Variants in CR1L observed in about 807,000 individuals in gnomAD.
CR1L encodes complement C3b/C4b receptor 1 like.
In CR1L, 59 loss-of-function variants were observed where a neutral mutation model predicts 62.3. The observed-to-expected ratio is 0.95, with a 90% confidence interval of 0.77 to 1.18. CR1L has a LOEUF of 1.18. Ranked by LOEUF, CR1L falls within the 50% of genes most tolerant of loss-of-function variation. CR1L has a pLI of 0.00. For synonymous variants in CR1L, 279 were observed against 248.7 expected (o/e 1.12, Z -1.15); for missense variants, 700 against 702.8 (o/e 1.00, Z 0.04).
In CR1L at chr1:207,682,603, C is replaced by T. The variant is rs562755112; in HGVS notation, c.378-1269C>T. Among the ~76,000 whole-genome samples, 52 of 152,314 alleles carry T rather than the reference C, an allele frequency of 3.4e-4. No individual in the cohort carries two copies. The South Asian group carries it at 0.011, about 32-fold the overall frequency. The stretch of plus-strand genomic sequence containing the variant: ...CACTATTCATTTGATCTCCATTTGG[C>T]ACTGTTTCGTTGTTTGAATAAAGCT... On this transcript the variant is annotated intron_variant, in intron 3 of 11. Coordinates refer to ENST00000508064, the MANE Select transcript of CR1L (RefSeq NM_175710.2).
At chr1:207,677,012 T>G (rs576680363) in intron 1 of CR1L, among the ~76,000 whole-genome samples, 14 of 152,064 alleles carry the variant, frequency 9.2e-5, no homozygotes, top group African/African-American at 3.4e-4. Flanking sequence ...ATGCAGTATA[T>G]TTGAGAGAAA....
chr1:207,713,016 A>G (rs1437078048), intron 10 of CR1L, among the ~76,000 whole-genome samples: 1 of 152,210 alleles, frequency 6.6e-6, no homozygotes. Flanking sequence ...CCAATTAAGG[A>G]GCTGACCTAG....
In CR1L at chr1:207,667,906, A is replaced by T. The variant is rs540468494; in HGVS notation, c.98-9483A>T. 2.0e-5 allele frequency among the ~76,000 whole-genome samples: 3 copies of T among 151,304 alleles called. No homozygotes were observed. The South Asian group carries it at 6.2e-4, about 31-fold the overall frequency. On this transcript the variant is annotated intron_variant, in intron 1 of 11. Coordinates refer to ENST00000508064, the MANE Select transcript of CR1L (RefSeq NM_175710.2). ...AAGAAGACATAGAAATGGCCAACGAATATAAAACAAAATGCTCAACATTCT... is the reference window on the plus strand; with the variant it reads ...AAGAAGACATAGAAATGGCCAACGATTATAAAACAAAATGCTCAACATTCT...
chr1:207,702,382 T>C (rs1209532297), intron 9 of CR1L, among the ~76,000 whole-genome samples: 1 of 152,168 alleles, frequency 6.6e-6, no homozygotes, highest in Admixed American at 6.5e-5. Context: ...AACACAATAA[T>C]ACTAAAATGA....
At chr1:207,670,785 G>A (rs1558014434) in intron 1 of CR1L, among the ~76,000 whole-genome samples, 1 of 151,140 alleles carries the variant, frequency 6.6e-6, no homozygotes, top group African/African-American at 2.5e-5. Context: ...ATTTTTAGGA[G>A]AGAAGCATGC....
chr1:207,669,341 G>C, intron 1 of CR1L: 1 of 742,662 alleles, frequency 1.3e-6, no homozygotes, highest in Non-Finnish European at 2.3e-6. Flanking sequence ...CCCATGCTCT[G>C]GGCGCGGAGC....
chr1:207,715,149 C>T (rs1027557484), intron 10 of CR1L, among the ~76,000 whole-genome samples: 1 of 152,172 alleles, frequency 6.6e-6, no homozygotes, highest in Non-Finnish European at 1.5e-5. Flanking sequence ...CTGAAGAATT[C>T]AGATCCCTAA....
At chr1:207,648,429 G>A (rs552850221) in intron 1 of CR1L, among the ~76,000 whole-genome samples, 8 of 152,270 alleles carry the variant, frequency 5.3e-5, no homozygotes, top group Admixed American at 5.2e-4. Context: ...GAGAACTCAC[G>A]ATGCTAGGCA....
intron 8 of CR1L, among the ~76,000 whole-genome samples, chr1:207,699,648 T>C (rs1474552327): frequency 1.3e-5 from 2 of 152,228 alleles, no homozygotes; most frequent in Non-Finnish European, 1.5e-5. Flanking sequence ...TCCTTCCTTC[T>C]TTTTCATTTT....
Position 207,677,337 on chromosome 1 carries a change from A to G in CR1L, c.98-52A>G, listed in dbSNP as rs1262004652. On this transcript the variant is annotated intron_variant, in intron 1 of 11. Coordinates refer to ENST00000508064, the MANE Select transcript of CR1L (RefSeq NM_175710.2). The stretch of plus-strand genomic sequence containing the variant: ...AAAAAAAAAAAAAAAAAAAAAAAAA[A>G]GTATGGTAATTTCTCCATTAACTTC... 2.1e-5 allele frequency: 19 copies of G among 886,628 alleles called. No homozygotes were observed. In the Middle Eastern group the frequency reaches 1.2e-3, roughly 54 times the overall value. 54.9% of individuals were successfully genotyped at this position (886,628 alleles called of 1,614,324 possible). A position where few individuals can be genotyped will look rare whatever the true frequency, so the allele number is the denominator to read the frequency against.
At chr1:207,710,282 G>A (rs1252247004) in intron 10 of CR1L, 6 of 725,444 alleles carry the variant, frequency 8.3e-6, no homozygotes, top group Non-Finnish European at 1.4e-5. Flanking sequence ...AGTTGAGATT[G>A]CAGTGAGCCA....
chr1:207,696,126 A>G (rs940876239), intron 5 of CR1L, among the ~76,000 whole-genome samples: 1 of 152,190 alleles, frequency 6.6e-6, no homozygotes. Flanking sequence ...TACACAGCAC[A>G]GGAGCCTGGA....
chr1:207,687,033 C>T (rs549308869), intron 4 of CR1L, among the ~76,000 whole-genome samples: 1 of 152,222 alleles, frequency 6.6e-6, no homozygotes, highest in East Asian at 1.9e-4. Flanking sequence ...TTATAACAGC[C>T]CAAATAGACT....
intron 4 of CR1L, among the ~76,000 whole-genome samples, chr1:207,689,680 A>T (rs1287009363): frequency 6.6e-6 from 1 of 152,092 alleles, no homozygotes; most frequent in Non-Finnish European, 1.5e-5. Flanking sequence ...TTTGTGTAAC[A>T]TTAATATTAT....
At chr1:207,669,221 G>T (rs1243731761) in intron 1 of CR1L, 1 of 389,752 alleles carries the variant, frequency 2.6e-6, no homozygotes, top group African/African-American at 2.2e-5. Flanking sequence ...AGCAAGGTGG[G>T]CTCTGCCAGC....
At chr1:207,692,392 T>TTTCTAG (rs1393682044) in intron 4 of CR1L, among the ~76,000 whole-genome samples, 1 of 152,216 alleles carries the variant, frequency 6.6e-6, no homozygotes, top group Non-Finnish European at 1.5e-5. Context: ...CTTAATGCCC[T>TTTCTAG]TTCTAGTTCT....
chr1:207,685,943 T>C (rs1286562281), intron 4 of CR1L, among the ~76,000 whole-genome samples: 3 of 151,910 alleles, frequency 2.0e-5, no homozygotes, highest in Non-Finnish European at 4.4e-5. Flanking sequence ...TAATTCCAAA[T>C]TGGCCTGGTT....
At chr1:207,687,943 G>A (rs759480297) in intron 4 of CR1L, among the ~76,000 whole-genome samples, 1 of 151,866 alleles carries the variant, frequency 6.6e-6, no homozygotes, top group African/African-American at 2.4e-5. Context: ...TTCAATTTAT[G>A]GGTCTTTTTT....
intron 4 of CR1L, among the ~76,000 whole-genome samples, chr1:207,692,757 T>G (rs116057829): frequency 4.1e-5 from 6 of 146,416 alleles, no homozygotes; most frequent in East Asian, 4.0e-4. Context: ...ACCAACCTCT[T>G]TGTGATCTTC....
Sources: allele counts gnomAD v4.1 joint callset (sites outside exome capture counted in the v4.1 genomes callset), GRCh38; gene constraint gnomAD v4.1.1; transcripts MANE v1.5; gene names NCBI Gene and HGNC (gene_info 2026-07-23, HGNC 2026-07-21).